Variants in ITSN2 observed in about 807,000 individuals in gnomAD.
ITSN2 encodes the protein intersectin-2.
Under a neutral mutation model 243.7 loss-of-function variants are expected in ITSN2, and 156 were observed. The ratio of observed to expected loss-of-function variants is 0.64; its 90% CI spans 0.56 to 0.73. The LOEUF is 0.73. Among genes scored for constraint, ITSN2 ranks in the 30% least tolerant of loss-of-function variants. The probability of loss-of-function intolerance (pLI) is 0.00; values close to 1 mark genes in which losing one functional copy is unlikely to be tolerated. For missense variants in ITSN2, 1,801 were observed against 1,996.1 expected (o/e 0.90, Z 1.86); for synonymous variants, 703 against 699.9 (o/e 1.00, Z -0.07).
Position 24,261,544 on chromosome 2 carries a change from G to A in ITSN2, c.2537+17C>T. The A allele has an allele frequency of 6.3e-7, 1 of 1,584,708 alleles. No homozygotes were observed. Among genetic ancestry groups the A allele is most frequent in the Non-Finnish European group, 8.6e-7 (1 of 1,156,800 alleles). Reference sequence around the variant, plus strand: ...TTTGCAGATCTATATAAACTTTACTGTTAGCTAAAAACTTACTCAGAGGAA... The same window carrying A: ...TTTGCAGATCTATATAAACTTTACTATTAGCTAAAAACTTACTCAGAGGAA... On this transcript the variant is annotated intron_variant, in intron 21 of 39. Transcript: ENST00000355123.
At position 24,284,846 on chromosome 2, in the gene ITSN2, G is replaced by T; in HGVS notation, c.1864-3C>A. The T allele has an allele frequency of 3.4e-6, 5 of 1,472,356 alleles. No homozygotes were observed. Among genetic ancestry groups the T allele is most frequent in the Non-Finnish European group, 4.7e-6 (5 of 1,060,470 alleles). The allele number at this position is 1,472,356 out of a possible 1,614,324, so 91.2% of individuals were successfully genotyped here. On this transcript the variant is annotated splice_region_variant and splice_polypyrimidine_tract_variant and intron_variant, in intron 16 of 39. Coordinates refer to ENST00000355123, the MANE Select transcript of ITSN2 (RefSeq NM_006277.3). ...ACAGAGTCATCCATATTCCCACACT[G>T]TAAGATAAGGCAGATAAAAAGCCAA...
Position 24,302,420 on chromosome 2 carries a change from G to A in ITSN2, c.858-318C>T, listed in dbSNP as rs890889894. Among the ~76,000 whole-genome samples, 7 of 151,978 alleles carry A rather than the reference G, an allele frequency of 4.6e-5. No individual in the cohort carries two copies. In the East Asian group the frequency reaches 5.8e-4, roughly 13 times the overall value. On this transcript the variant is annotated intron_variant, in intron 9 of 39. Coordinates refer to ENST00000355123, the MANE Select transcript of ITSN2 (RefSeq NM_006277.3). ...TCACCGTGTTAGCCAGGATGGTCTC[G>A]ATCTCCTGACCTCGTGATCCGCCCG...
rs926728223 is a variant in ITSN2 at position 24,347,601 on chromosome 2, G to A, written c.-34+12703C>T. On this transcript the variant is annotated intron_variant, in intron 1 of 39. Transcript: ENST00000355123. The stretch of plus-strand genomic sequence containing the variant: ...CTCGGTAGGCTGAGGCAGGAAAATC[G>A]CTTGAACCCAGAAGGCGTAGGTTGC... Among the ~76,000 whole-genome samples, 8 of 152,204 alleles carry A rather than the reference G, an allele frequency of 5.3e-5. No homozygotes were observed. In the East Asian group the frequency reaches 1.2e-3, roughly 22 times the overall value.
In ITSN2 at chr2:24,289,725, G is replaced by A. The variant is rs181792171; in HGVS notation, c.1724-3374C>T. Reference sequence around the variant, plus strand: ...AACCTGCAGGCCATGGGCCACATGCGGCCCAGGATGGCTTTCAATGTGGCC... The same window carrying A: ...AACCTGCAGGCCATGGGCCACATGCAGCCCAGGATGGCTTTCAATGTGGCC... On this transcript the variant is annotated intron_variant, in intron 15 of 39. Coordinates refer to ENST00000355123, the MANE Select transcript of ITSN2 (RefSeq NM_006277.3). Among the ~76,000 whole-genome samples the A allele has an allele frequency of 2.0e-3, 302 of 152,190 alleles. 2 individuals are homozygous for A. The highest frequency in any genetic ancestry group is 7.2e-3 in the African/African-American group (297 of 41,514).
At chr2:24,268,775 CCCT>C (rs1014910981) in intron 20 of ITSN2, among the ~76,000 whole-genome samples, 1 of 151,742 alleles carries the variant, frequency 6.6e-6, no homozygotes, top group African/African-American at 2.4e-5. Context: ...AAAAAAACTT[CCCT>C]CAACCCACAT....
rs1679510611 is a variant in ITSN2 at position 24,286,367 on chromosome 2, C to T, written c.1724-16G>A. The stretch of plus-strand genomic sequence containing the variant: ...ACCCCTGAATCTGAAAAACAAACAT[C>T]AGACAGTTTACATTTTGCAGAAGTT... On this transcript the variant is annotated splice_polypyrimidine_tract_variant and intron_variant, in intron 15 of 39. Transcript: ENST00000355123. 4 of 1,608,292 alleles carry T rather than the reference C, an allele frequency of 2.5e-6. No individual in the cohort carries two copies. The African/African-American group carries it at 4.0e-5, about 16-fold the overall frequency.
At chr2:24,323,361 A>T (rs1243484571) in intron 2 of ITSN2, among the ~76,000 whole-genome samples, 1 of 152,222 alleles carries the variant, frequency 6.6e-6, no homozygotes, top group African/African-American at 2.4e-5. Context: ...TGGATAAATA[A>T]ATTGTGGTAC....
chr2:24,305,743 CAGATATAT>C (rs1238208395), intron 8 of ITSN2, among the ~76,000 whole-genome samples: 1 of 152,104 alleles, frequency 6.6e-6, no homozygotes, highest in Non-Finnish European at 1.5e-5. Flanking sequence ...TCTTTACCTA[CAGATATAT>C]AGCTTTACCC....
intron 8 of ITSN2, among the ~76,000 whole-genome samples, chr2:24,304,344 C>A (rs889883696): frequency 6.6e-6 from 1 of 152,252 alleles, no homozygotes; most frequent in Non-Finnish European, 1.5e-5. Context: ...TCAGCAACAG[C>A]TCCAACTACA....
At position 24,292,812 on chromosome 2, in the gene ITSN2, C is replaced by A. The variant is rs1574182101; in HGVS notation, c.1723+876G>T. Among the ~76,000 whole-genome samples, 7 of 152,300 alleles carry A rather than the reference C, an allele frequency of 4.6e-5. No homozygotes were observed. The South Asian group carries it at 1.4e-3, about 32-fold the overall frequency. On this transcript the variant is annotated intron_variant, in intron 15 of 39. Coordinates refer to ENST00000355123, the MANE Select transcript of ITSN2 (RefSeq NM_006277.3). ...AGAATCAGCTTCATCAATAATGAGGCAGTGATTTGGTTTCTCATTTGTCTT... is the reference window on the plus strand; with the variant it reads ...AGAATCAGCTTCATCAATAATGAGGAAGTGATTTGGTTTCTCATTTGTCTT...
chr2:24,209,450 TG>T (rs1444460354), intron 35 of ITSN2, among the ~76,000 whole-genome samples: 1 of 152,172 alleles, frequency 6.6e-6, no homozygotes. Flanking sequence ...TGGGACTGGG[TG>T]GGGACAGGAG....
intron 2 of ITSN2, among the ~76,000 whole-genome samples, chr2:24,318,931 T>C (rs766445344): frequency 6.6e-6 from 1 of 152,192 alleles, no homozygotes; most frequent in African/African-American, 2.4e-5. Flanking sequence ...GTGGCAGCAT[T>C]AGATTCTCAT....
In ITSN2 at chr2:24,278,056, A is replaced by C. The variant is rs181165262; in HGVS notation, c.1945-2207T>G. 2.6e-5 allele frequency among the ~76,000 whole-genome samples: 4 copies of C among 152,318 alleles called. No homozygotes were observed. The East Asian group carries it at 7.7e-4, about 29-fold the overall frequency. ...TATAGTGCAGAGCACCTAGGTTCTCAGTAAATCTTAGTTATTATTATTGGA... is the reference window on the plus strand; with the variant it reads ...TATAGTGCAGAGCACCTAGGTTCTCCGTAAATCTTAGTTATTATTATTGGA... On this transcript the variant is annotated intron_variant, in intron 17 of 39. Coordinates refer to ENST00000355123, the MANE Select transcript of ITSN2 (RefSeq NM_006277.3).
chr2:24,295,641 C>A (rs1243190852), intron 14 of ITSN2, 23 bp downstream of exon 14: 19 of 1,491,788 alleles, frequency 1.3e-5, no homozygotes, highest in Non-Finnish European at 1.6e-5. Flanking sequence ...TGTTTAAGAA[C>A]AATTTAGCAG....
intron 27 of ITSN2, 88 bp from the exon 28 acceptor site, chr2:24,246,981 A>C: frequency 1.3e-5 from 11 of 873,704 alleles, no homozygotes; most frequent in East Asian, 2.6e-5. Flanking sequence ...AAAACCATAA[A>C]TGTGTAGTAA....
intron 8 of ITSN2, among the ~76,000 whole-genome samples, chr2:24,305,204 C>T (rs903871374): frequency 6.6e-6 from 1 of 152,016 alleles, no homozygotes; most frequent in Non-Finnish European, 1.5e-5. Flanking sequence ...TAAGAGAGTG[C>T]CCAGAAAGTA....
intron 15 of ITSN2, among the ~76,000 whole-genome samples, chr2:24,291,522 G>C (rs1228828521): frequency 1.5e-5 from 2 of 129,688 alleles, no homozygotes; most frequent in Non-Finnish European, 3.1e-5. Context: ...ACGGAGTCTC[G>C]CTCTGTCACC....
chr2:24,301,519 T>C (rs1681729832), intron 10 of ITSN2, among the ~76,000 whole-genome samples: 1 of 151,488 alleles, frequency 6.6e-6, no homozygotes, highest in Non-Finnish European at 1.5e-5. Flanking sequence ...TGAAAACACA[T>C]CCACTTCTTT....
chr2:24,226,533 GT>G, intron 29 of ITSN2, among the ~76,000 whole-genome samples: 1 of 152,228 alleles, frequency 6.6e-6, no homozygotes, highest in Non-Finnish European at 1.5e-5. Flanking sequence ...GCTCACACCT[GT>G]AATCCAAGCA....
Sources: allele counts gnomAD v4.1 joint callset (sites outside exome capture counted in the v4.1 genomes callset), GRCh38; gene constraint gnomAD v4.1.1; transcripts MANE v1.5; gene names NCBI Gene and HGNC (gene_info 2026-07-23, HGNC 2026-07-21).